The following NEK6 variants were observed in gnomAD, a reference collection of about 807,000 sequenced individuals.
NEK6 encodes NIMA related kinase 6.
Under a neutral mutation model 43.5 loss-of-function variants are expected in NEK6, and 27 were observed. The ratio of observed to expected loss-of-function variants is 0.62; its 90% CI spans 0.46 to 0.86. NEK6 has a LOEUF of 0.86. Among genes scored for constraint, NEK6 ranks in the 40% least tolerant of loss-of-function variants. NEK6 has a pLI of 0.00. For synonymous variants in NEK6, 167 were observed against 164.1 expected (o/e 1.02, Z -0.14); for missense variants, 318 against 414.4 (o/e 0.77, Z 2.02).
rs533586912 is a variant in NEK6 at position 124,335,355 on chromosome 9, C to T, written c.623-4216C>T. Among the ~76,000 whole-genome samples the T allele has an allele frequency of 2.6e-5, 4 of 152,348 alleles. No homozygotes were observed. The South Asian group carries it at 8.3e-4, about 32-fold the overall frequency. On this transcript the variant is annotated intron_variant, in intron 7 of 9. Transcript: ENST00000320246. Reference sequence around the variant, plus strand: ...CCACACGGATTCATATGTTGACTGACAGCCCTTTCTGCTGAGTAGCGGTTA... The same window carrying T: ...CCACACGGATTCATATGTTGACTGATAGCCCTTTCTGCTGAGTAGCGGTTA...
Position 124,288,303 on chromosome 9 carries a change from A to G in NEK6, c.-29-13633A>G, listed in dbSNP as rs184881215. Among the ~76,000 whole-genome samples the G allele has an allele frequency of 4.5e-4, 69 of 152,280 alleles. 1 individual carries two copies. Among genetic ancestry groups the G allele is most frequent in the African/African-American group, 1.5e-3 (64 of 41,558 alleles). ...ATTGATTGAGACAGAGTCTCACTCC[A>G]TCACCCAGGCTGGAGTGCAGTGGCG... On this transcript the variant is annotated intron_variant, in intron 1 of 9. Coordinates refer to ENST00000320246, the MANE Select transcript of NEK6 (RefSeq NM_014397.6).
intron 8 of NEK6, among the ~76,000 whole-genome samples, chr9:124,346,401 G>A (rs543312789): frequency 2.0e-4 from 30 of 152,270 alleles, no homozygotes; most frequent in African/African-American, 6.7e-4. Context: ...ACTCCTCCCC[G>A]CTCAGCCTCT....
rs565791085 is a variant in NEK6 at position 124,320,958 on chromosome 9, C to G, written c.295-501C>G. 2.2e-4 allele frequency among the ~76,000 whole-genome samples: 33 copies of G among 152,310 alleles called. 1 individual carries two copies. The South Asian group carries it at 2.7e-3, about 12-fold the overall frequency. The stretch of plus-strand genomic sequence containing the variant: ...AAATATTTTAAAAAAAATGATTTTA[C>G]AAGAGATAGGTCAGGAATTGAGAAA... On this transcript the variant is annotated intron_variant, in intron 4 of 9. Transcript: ENST00000320246.
Position 124,350,926 on chromosome 9 carries a change from C to T in NEK6, c.921C>T (p.His307=). 9 of 1,609,864 alleles carry T rather than the reference C, an allele frequency of 5.6e-6. No homozygotes were observed. Among genetic ancestry groups the T allele is most frequent in the East Asian group, 4.5e-5 (2 of 44,888 alleles). ...GYVHQVAKQM[H]IWMSST ...TGCACCAGGTGGCCAAGCAGATGCA[C>T]ATCTGGATGTCCAGCACCTGAGCGT... Residue 307 remains histidine, a synonymous_variant, in exon 10 of 10, where the codon CAC becomes CAT. Transcript: ENST00000320246.
At position 124,334,669 on chromosome 9, in the gene NEK6, G is replaced by A. The variant is rs1344028913; in HGVS notation, c.623-4902G>A. Among the ~76,000 whole-genome samples, 5 of 152,256 alleles carry A rather than the reference G, an allele frequency of 3.3e-5. No individual in the cohort carries two copies. In the East Asian group the frequency reaches 9.6e-4, roughly 29 times the overall value. On this transcript the variant is annotated intron_variant, in intron 7 of 9. Transcript: ENST00000320246. ...GAGCAGCCGGCTCTCCCTGGCCAGG[G>A]GAGGGGACCTTAAAGGAGCCCGCAA... is the stretch of plus-strand genomic sequence containing the variant.
At chr9:124,303,846 C>T (rs1833119321) in intron 2 of NEK6, among the ~76,000 whole-genome samples, 1 of 152,180 alleles carries the variant, frequency 6.6e-6, no homozygotes, top group African/African-American at 2.4e-5. Context: ...ATTGAATCCC[C>T]CTTGATTAAT....
At chr9:124,317,790 T>TATA (rs1260683322) in intron 4 of NEK6, among the ~76,000 whole-genome samples, 1 of 152,224 alleles carries the variant, frequency 6.6e-6, no homozygotes, top group Non-Finnish European at 1.5e-5. Context: ...GATATGTTTC[T>TATA]GTGTTATTTC....
intron 7 of NEK6, among the ~76,000 whole-genome samples, chr9:124,336,130 A>C (rs1340938272): frequency 6.6e-6 from 1 of 152,078 alleles, no homozygotes; most frequent in Admixed American, 6.6e-5. Context: ...CCCAGCTACT[A>C]GAGAGGCTGA....
At chr9:124,323,652 TGGG>T (rs764371984) in intron 5 of NEK6, among the ~76,000 whole-genome samples, 70 of 151,980 alleles carry the variant, frequency 4.6e-4, no homozygotes, top group Non-Finnish European at 9.1e-4. Flanking sequence ...GACAGGCAGA[TGGG>T]GGGCTGGGGC....
At chr9:124,298,115 G>A (rs578205067) in intron 1 of NEK6, among the ~76,000 whole-genome samples, 2 of 152,130 alleles carry the variant, frequency 1.3e-5, no homozygotes, top group Admixed American at 6.5e-5. Flanking sequence ...TCTGAGCCTC[G>A]GTTTCCCCAT....
chr9:124,271,645 C>T (rs981348466), intron 1 of NEK6, among the ~76,000 whole-genome samples: 6 of 152,272 alleles, frequency 3.9e-5, no homozygotes, highest in African/African-American at 1.4e-4. Flanking sequence ...CCAGGCCCGG[C>T]TGGCCCCAGA....
Position 124,326,263 on chromosome 9 carries a change from C to T in NEK6, c.406-67C>T. The stretch of plus-strand genomic sequence containing the variant: ...ACTGGGGAAAGGACAGAGGCAGTGC[C>T]CTGTGGCCACCCACCTCCAAGCCCG... On this transcript the variant is annotated intron_variant, in intron 5 of 9. Coordinates refer to ENST00000320246, the MANE Select transcript of NEK6 (RefSeq NM_014397.6). This position sits in a 1 kb window ranked among gnomAD's most constrained non-coding sequence, Gnocchi z 4.5. 1.1e-6 allele frequency: 1 copy of T among 898,492 alleles called. No homozygotes were observed. Among genetic ancestry groups the T allele is most frequent in the Non-Finnish European group, 1.7e-6 (1 of 586,658 alleles). 55.7% of individuals were successfully genotyped at this position (898,492 alleles called of 1,614,324 possible). A position where few individuals can be genotyped will look rare whatever the true frequency, so the allele number is the denominator to read the frequency against.
At chr9:124,292,092 C>T (rs1037344564) in intron 1 of NEK6, 7 of 1,055,974 alleles carry the variant, frequency 6.6e-6, no homozygotes, top group Non-Finnish European at 8.0e-6. Context: ...TCAAAAGGTA[C>T]CCTGACTTTC....
intron 8 of NEK6, among the ~76,000 whole-genome samples, chr9:124,344,003 G>C (rs1829788395): frequency 6.6e-6 from 1 of 152,148 alleles, no homozygotes; most frequent in Admixed American, 6.5e-5. Context: ...GGTGTCAGCG[G>C]GCAGGTGCCT....
At chr9:124,315,645 G>T (rs909964476) in intron 4 of NEK6, among the ~76,000 whole-genome samples, 1 of 152,148 alleles carries the variant, frequency 6.6e-6, no homozygotes. Context: ...CCTTCTCCCC[G>T]AGTGAAGGAA....
At chr9:124,301,558 G>C (rs1006665151) in intron 1 of NEK6, among the ~76,000 whole-genome samples, 6 of 152,142 alleles carry the variant, frequency 3.9e-5, no homozygotes, top group African/African-American at 1.4e-4. Flanking sequence ...TGACAATGGG[G>C]GATAGGGGTA....
At chr9:124,342,464 T>C (rs1051467619) in intron 8 of NEK6, among the ~76,000 whole-genome samples, 2 of 152,180 alleles carry the variant, frequency 1.3e-5, no homozygotes, top group African/African-American at 4.8e-5. Flanking sequence ...AGGTGTCCCA[T>C]ATGTAGAATG....
chr9:124,303,526 G>A (rs1226165222), intron 2 of NEK6, among the ~76,000 whole-genome samples: 2 of 152,248 alleles, frequency 1.3e-5, no homozygotes, highest in Non-Finnish European at 2.9e-5. Context: ...AAGGAGGGCG[G>A]TGATGCTGCA....
intron 1 of NEK6, among the ~76,000 whole-genome samples, chr9:124,288,348 CCT>C (rs1334558616): frequency 7.2e-5 from 11 of 152,184 alleles, no homozygotes; most frequent in Non-Finnish European, 1.6e-4. Context: ...TTCACTGCAA[CCT>C]CTGCCTCCTG....
Sources: allele counts gnomAD v4.1 joint callset (sites outside exome capture counted in the v4.1 genomes callset), GRCh38; gene constraint gnomAD v4.1.1; non-coding constraint Gnocchi (gnomAD v3.1); transcripts MANE v1.5; gene names NCBI Gene and HGNC (gene_info 2026-07-23, HGNC 2026-07-21).